RYR2: variants seen among roughly 807,000 people sequenced by gnomAD.
The protein encoded by RYR2 is ryanodine receptor 2.
Under a neutral mutation model 601.1 loss-of-function variants are expected in RYR2, and 227 were observed. That is an observed-to-expected ratio of 0.38 (90% CI 0.34 to 0.42). RYR2 has a LOEUF of 0.42. Ranked by LOEUF, RYR2 falls within the 10% of genes least tolerant of loss-of-function variation. RYR2 has a pLI of 1.00. For synonymous variants in RYR2, 2,223 were observed against 2,175.1 expected (o/e 1.02, Z -0.61); for missense variants, 4,646 against 6,156.5 (o/e 0.75, Z 8.21).
At chr1:237,365,176 G>T (rs2149731245) in intron 5 of RYR2, among the ~76,000 whole-genome samples, 1 of 152,268 alleles carries the variant, frequency 6.6e-6, no homozygotes, top group African/African-American at 2.4e-5. Context: ...TAGAAAAATT[G>T]ATTGATATTC....
At chr1:237,754,509 G>A (rs182999573) in intron 80 of RYR2, among the ~76,000 whole-genome samples, 7 of 152,256 alleles carry the variant, frequency 4.6e-5, no homozygotes, top group Admixed American at 4.6e-4. Context: ...CTGTCTTTAT[G>A]TGTTCTATTA....
At chr1:237,444,339 C>T (rs900109963) in intron 13 of RYR2, among the ~76,000 whole-genome samples, 10 of 151,984 alleles carry the variant, frequency 6.6e-5, no homozygotes, top group Non-Finnish European at 1.2e-4. Flanking sequence ...TCATTCTTTT[C>T]TTTATTAATC....
Position 237,379,304 on chromosome 1 carries a change from T to C in RYR2, c.576+1869T>C, listed in dbSNP as rs576586659. Among the ~76,000 whole-genome samples, 8 of 152,262 alleles carry C rather than the reference T, an allele frequency of 5.3e-5. No homozygotes were observed. The East Asian group carries it at 1.5e-3, about 29-fold the overall frequency. On this transcript the variant is annotated intron_variant, in intron 8 of 104. Coordinates refer to ENST00000366574, the MANE Select transcript of RYR2 (RefSeq NM_001035.3). Reference sequence around the variant, plus strand: ...GATGGCATCATTATGCACTGAAAAATGGAAAATTCAGACCTCACAGGGCCA... The same window carrying C: ...GATGGCATCATTATGCACTGAAAAACGGAAAATTCAGACCTCACAGGGCCA...
At chr1:237,411,471 T>A (rs1410337693) in intron 10 of RYR2, among the ~76,000 whole-genome samples, 1 of 152,078 alleles carries the variant, frequency 6.6e-6, no homozygotes, top group Admixed American at 6.6e-5. Context: ...TTAGCAACAA[T>A]CCATTCAATT....
At chr1:237,287,410 G>A (rs1197889052) in intron 2 of RYR2, among the ~76,000 whole-genome samples, 1 of 152,130 alleles carries the variant, frequency 6.6e-6, no homozygotes, top group Non-Finnish European at 1.5e-5. Context: ...GTTTTCCAAG[G>A]TTTTAGATTT....
chr1:237,243,441 G>A (rs529551641), intron 1 of RYR2, among the ~76,000 whole-genome samples: 3 of 152,278 alleles, frequency 2.0e-5, no homozygotes, highest in South Asian at 4.1e-4. Context: ...AGACTCCTGC[G>A]AAGGGTACAG....
chr1:237,474,244 G>T (rs372493382), intron 17 of RYR2, among the ~76,000 whole-genome samples: 44,917 of 115,914 alleles, frequency 0.39, 5,894 homozygotes, highest in East Asian at 0.52. Context: ...TATATGTATA[G>T]ATATATACAT....
At chr1:237,753,044 A>T (rs1407131795) in intron 80 of RYR2, among the ~76,000 whole-genome samples, 1 of 152,230 alleles carries the variant, frequency 6.6e-6, no homozygotes, top group African/African-American at 2.4e-5. Context: ...CAGATGATAG[A>T]TTTGGTAGAT....
At chr1:237,697,765 A>C (rs1376025383) in intron 63 of RYR2, among the ~76,000 whole-genome samples, 1 of 151,920 alleles carries the variant, frequency 6.6e-6, no homozygotes, top group Non-Finnish European at 1.5e-5. Context: ...TTCCAGGAGA[A>C]GCCCCAGAGC....
At chr1:237,321,106 T>G (rs573278768) in intron 2 of RYR2, among the ~76,000 whole-genome samples, 2 of 152,264 alleles carry the variant, frequency 1.3e-5, no homozygotes, top group East Asian at 3.9e-4. Flanking sequence ...GGTCTTTTAA[T>G]AGTTTCTGGC....
intron 63 of RYR2, among the ~76,000 whole-genome samples, chr1:237,698,396 T>C (rs1208068654): frequency 6.6e-6 from 1 of 152,104 alleles, no homozygotes; most frequent in Non-Finnish European, 1.5e-5. Flanking sequence ...ACTTCTTTAG[T>C]GTCTGATTTT....
intron 25 of RYR2, 147 bp from the exon 26 acceptor site, chr1:237,548,284 A>G: frequency 1.4e-6 from 1 of 724,784 alleles, no homozygotes; most frequent in East Asian, 2.7e-5. Flanking sequence ...AGTGAAAGGA[A>G]CCTAGGCTTG....
intron 79 of RYR2, 127 bp from the exon 80 acceptor site, chr1:237,742,169 A>C (rs958381074): frequency 1.5e-6 from 1 of 664,314 alleles, no homozygotes; most frequent in Non-Finnish European, 2.6e-6. Context: ...TCTATCTTAC[A>C]TGTGTTTAAA....
chr1:237,825,860 T>A (rs535852961), intron 101 of RYR2, among the ~76,000 whole-genome samples: 1 of 152,230 alleles, frequency 6.6e-6, no homozygotes, highest in African/African-American at 2.4e-5. Flanking sequence ...GGGTGAAGGA[T>A]ATGAACAGAC....
intron 1 of RYR2, among the ~76,000 whole-genome samples, chr1:237,054,383 A>C (rs1338392994): frequency 7.5e-6 from 1 of 132,488 alleles, no homozygotes; most frequent in Non-Finnish European, 1.5e-5. Flanking sequence ...TGTAAATTGG[A>C]TTATAAGGAA....
Position 237,745,094 on chromosome 1 carries a change from C to A in RYR2, c.11145+2745C>A, listed in dbSNP as rs184229036. Among the ~76,000 whole-genome samples the A allele has an allele frequency of 5.7e-4, 87 of 152,214 alleles. No homozygotes were observed. The East Asian group carries it at 0.014, about 25-fold the overall frequency. On this transcript the variant is annotated intron_variant, in intron 80 of 104. Transcript: ENST00000366574. ...GGGATTACAGTCCTGAGCCACCACGCCCAGCCACTTTTTAATTTTTTTAAC... is the reference window on the plus strand; with the variant it reads ...GGGATTACAGTCCTGAGCCACCACGACCAGCCACTTTTTAATTTTTTTAAC...
intron 1 of RYR2, among the ~76,000 whole-genome samples, chr1:237,153,238 G>T (rs1368923613): frequency 6.6e-6 from 1 of 152,136 alleles, no homozygotes; most frequent in Non-Finnish European, 1.5e-5. Flanking sequence ...TGAGATTTGG[G>T]GGGAGGGGAA....
intron 1 of RYR2, among the ~76,000 whole-genome samples, chr1:237,179,265 G>A (rs909159585): frequency 6.6e-6 from 1 of 151,066 alleles, no homozygotes; most frequent in Non-Finnish European, 1.5e-5. Context: ...GAGCTTGTTG[G>A]ACAAAGATTC....
At chr1:237,727,604 A>G (rs1274810726) in intron 76 of RYR2, among the ~76,000 whole-genome samples, 1 of 152,142 alleles carries the variant, frequency 6.6e-6, no homozygotes, top group Non-Finnish European at 1.5e-5. Context: ...CTGTATCATA[A>G]TGGGATCAGC....
Sources: allele counts gnomAD v4.1 joint callset (sites outside exome capture counted in the v4.1 genomes callset), GRCh38; gene constraint gnomAD v4.1.1; transcripts MANE v1.5; gene names NCBI Gene and HGNC (gene_info 2026-07-23, HGNC 2026-07-21).